The following GABPB2 variants were observed in gnomAD, a reference collection of about 807,000 sequenced individuals.
The protein encoded by GABPB2 is GA-binding protein subunit beta-2.
In GABPB2, 23 loss-of-function variants were observed where a neutral mutation model predicts 39.1. The ratio of observed to expected loss-of-function variants is 0.59; its 90% CI spans 0.42 to 0.83. GABPB2 has a LOEUF of 0.83. Ranked by LOEUF, GABPB2 falls within the 40% of genes least tolerant of loss-of-function variation. GABPB2 has a pLI of 0.00. For missense variants in GABPB2, 467 were observed against 541.1 expected, an observed-to-expected ratio of 0.86 and a Z score of 1.36; for synonymous variants, 184 against 199.3, an observed-to-expected ratio of 0.92 and a Z score of 0.65.
intron 1 of GABPB2, among the ~76,000 whole-genome samples, chr1:151,075,926 G>GT (rs1201331784): frequency 6.6e-6 from 1 of 152,072 alleles, no homozygotes; most frequent in African/African-American, 2.4e-5. Context: ...TCCATCTTCT[G>GT]TAACTTTTTC....
At chr1:151,090,380 A>T (rs1407461977) in intron 2 of GABPB2, 26 bp from the exon 3 acceptor site, 1 of 1,608,894 alleles carries the variant, frequency 6.2e-7, no homozygotes. Context: ...CACAGTGGAT[A>T]TTCAATGAGC....
chr1:151,097,783 A>T (rs939455776), intron 4 of GABPB2, 69 bp from the exon 5 acceptor site: 12 of 1,521,614 alleles, frequency 7.9e-6, no homozygotes, highest in Non-Finnish European at 1.1e-5. Flanking sequence ...TCTCAAAAAA[A>T]AAAAAAAGAA....
At position 151,090,427 on chromosome 1, in the gene GABPB2, C is replaced by T. The variant is rs1443964347; in HGVS notation, c.130C>T (p.Leu44Phe). 1.2e-6 allele frequency: 2 copies of T among 1,614,034 alleles called. No individual in the cohort carries two copies. Among genetic ancestry groups the T allele is most frequent in the South Asian group, 1.1e-5 (1 of 91,072 alleles). Reference sequence around the variant, plus strand: ...ACAGCTTGGAACATCACCCCTCCACCTTGCAGCTCAATATGGTCATTATTC... The same window carrying T: ...ACAGCTTGGAACATCACCCCTCCACTTTGCAGCTCAATATGGTCATTATTC... ...TDWLGTSPLH[L>F]AAQYGHYSTA... is the part of the protein sequence containing the mutation. The change falls in exon 3 of 9, where the codon CTT (leucine) becomes TTT (phenylalanine). Residue 44 changes from leucine (L) to phenylalanine (F), a missense_variant. Coordinates refer to ENST00000368918, the MANE Select transcript of GABPB2 (RefSeq NM_144618.3).
intron 1 of GABPB2, among the ~76,000 whole-genome samples, chr1:151,080,469 C>A (rs1677575335): frequency 6.6e-6 from 1 of 151,142 alleles, no homozygotes; most frequent in Non-Finnish European, 1.5e-5. Context: ...TGAGATCATT[C>A]CACTGCACTC....
intron 3 of GABPB2, among the ~76,000 whole-genome samples, chr1:151,092,188 C>T (rs1348501572): frequency 6.8e-6 from 1 of 146,582 alleles, no homozygotes; most frequent in Non-Finnish European, 1.5e-5. Context: ...CTCACTGCAA[C>T]CTCTGCCTCC....
In GABPB2 at chr1:151,118,876, C is replaced by T. The variant is rs1343276216; in HGVS notation, c.*620C>T. 1 of 151,320 alleles carries T rather than the reference C, an allele frequency of 6.6e-6. No homozygotes were observed. Among genetic ancestry groups the T allele is most frequent in the Non-Finnish European group, 1.5e-5 (1 of 68,058 alleles). The allele number at this position is 151,320 out of a possible 1,614,324, so 9.4% of individuals were successfully genotyped here. A position where few individuals can be genotyped will look rare whatever the true frequency, so the allele number is the denominator to read the frequency against. ...AGAGTACAGTGGTGCAATCTTGGCT[C>T]ACTGCAACCTCCGCCTCCAGGGCGC... On this transcript the variant is annotated 3_prime_UTR_variant, in exon 9 of 9. Coordinates refer to ENST00000368918, the MANE Select transcript of GABPB2 (RefSeq NM_144618.3).
At chr1:151,085,801 A>G (rs1237368315) in intron 1 of GABPB2, among the ~76,000 whole-genome samples, 1 of 152,138 alleles carries the variant, frequency 6.6e-6, no homozygotes, top group African/African-American at 2.4e-5. Context: ...CTTTTTCTCA[A>G]GAAAACCATC....
intron 7 of GABPB2, 94 bp downstream of exon 7, chr1:151,107,316 T>A: frequency 1.2e-6 from 1 of 811,632 alleles, no homozygotes; most frequent in Non-Finnish European, 1.7e-6. Context: ...ATAGTGGAAG[T>A]GGGAGATTGC....
At chr1:151,080,579 G>A (rs1677592953) in intron 1 of GABPB2, among the ~76,000 whole-genome samples, 1 of 150,788 alleles carries the variant, frequency 6.6e-6, no homozygotes, top group Admixed American at 6.6e-5. Context: ...CAGGTACAGT[G>A]GCTCACGCCT....
At chr1:151,090,318 G>A in intron 2 of GABPB2, 88 bp from the exon 3 acceptor site, 2 of 1,229,148 alleles carry the variant, frequency 1.6e-6, no homozygotes, top group Non-Finnish European at 2.3e-6. Context: ...TGAAGGACAA[G>A]AACCATAGCT....
At chr1:151,082,058 A>G (rs951210125) in intron 1 of GABPB2, among the ~76,000 whole-genome samples, 1 of 151,768 alleles carries the variant, frequency 6.6e-6, no homozygotes, top group Non-Finnish European at 1.5e-5. Context: ...AAAACTTGAC[A>G]AGTGGTAATT....
chr1:151,087,866 A>G lies in GABPB2; in HGVS notation c.1-324A>G, dbSNP rs748700958. ...ATTTTATATTATGTTCCTTAAAATA[A>G]TATTGTACCCTTCTTCATTTCAGGG... On this transcript the variant is annotated intron_variant, in intron 1 of 8. Coordinates refer to ENST00000368918, the MANE Select transcript of GABPB2 (RefSeq NM_144618.3). 9.3e-4 allele frequency among the ~76,000 whole-genome samples: 142 copies of G among 152,280 alleles called. 5 individuals are homozygous for G. The highest frequency in any genetic ancestry group is 3.4e-3 in the Middle Eastern group (1 of 294).
intron 7 of GABPB2, among the ~76,000 whole-genome samples, chr1:151,109,298 T>TTATATATATATATATA (rs33932552): frequency 7.2e-6 from 1 of 139,500 alleles, no homozygotes; most frequent in African/African-American, 2.6e-5. Context: ...TTGTGGGGAT[T>TTATATATATATATATA]TATATATATA....
chr1:151,080,124 A>G (rs1677527445), intron 1 of GABPB2, among the ~76,000 whole-genome samples: 1 of 148,812 alleles, frequency 6.7e-6, no homozygotes, highest in Non-Finnish European at 1.5e-5. Flanking sequence ...CTGAGGTAGG[A>G]GAATCGCTTG....
chr1:151,117,933 T>C (rs200419431), intron 8 of GABPB2, 24 bp from the exon 9 acceptor site: 1 of 1,596,922 alleles, frequency 6.3e-7, no homozygotes, highest in Non-Finnish European at 8.5e-7. Context: ...ATTTACCTGG[T>C]GGTGACATGG....
intron 1 of GABPB2, among the ~76,000 whole-genome samples, chr1:151,077,968 C>A (rs1677323995): frequency 6.8e-6 from 1 of 147,596 alleles, no homozygotes; most frequent in Non-Finnish European, 1.5e-5. Flanking sequence ...TAATAATTTT[C>A]TTTAGAATAA....
Position 151,093,192 on chromosome 1 carries a change from A to G in GABPB2, c.277A>G (p.Asn93Asp). ...HAHIVELLVR[N>D]GADVNAKDML... ...TGAAAAAAATGCTTTTCTGTGACAGAATGGTGCAGATGTGAATGCCAAGGA... is the reference window on the plus strand; with the variant it reads ...TGAAAAAAATGCTTTTCTGTGACAGGATGGTGCAGATGTGAATGCCAAGGA... The change falls in exon 4 of 9, where the codon AAT becomes GAT. Residue 93 changes from asparagine to aspartate, a missense_variant and splice_region_variant. Asn to Asp is a conservative substitution (Grantham distance 23, BLOSUM62 1). Coordinates refer to ENST00000368918, the MANE Select transcript of GABPB2 (RefSeq NM_144618.3). 1 of 1,556,506 alleles carries G rather than the reference A, an allele frequency of 6.4e-7. No homozygotes were observed. The highest frequency in any genetic ancestry group is 8.7e-7 in the Non-Finnish European group (1 of 1,150,950).
intron 1 of GABPB2, among the ~76,000 whole-genome samples, chr1:151,085,868 T>G (rs1474217501): frequency 6.6e-6 from 1 of 152,192 alleles, no homozygotes; most frequent in Non-Finnish European, 1.5e-5. Flanking sequence ...GGCTCATGCC[T>G]GTAATCCCAA....
At chr1:151,081,249 G>A (rs587651655) in intron 1 of GABPB2, among the ~76,000 whole-genome samples, 1 of 152,090 alleles carries the variant, frequency 6.6e-6, no homozygotes, top group African/African-American at 2.4e-5. Context: ...AGCACTTTGG[G>A]AGGCTGAGGC....
Sources: gnomAD v4.1 joint callset for allele counts (sites outside exome capture counted in the v4.1 genomes callset) on GRCh38, gnomAD v4.1.1 for gene constraint, MANE v1.5 for transcripts, NCBI Gene and HGNC (gene_info 2026-07-23, HGNC 2026-07-21) for gene names.